Variants in ADGRB3 observed in about 807,000 individuals in gnomAD.
ADGRB3 encodes the protein adhesion G protein-coupled receptor B3, also known as brain-specific angiogenesis inhibitor 3.
ADGRB3 carries 37 observed loss-of-function variants against 193.4 expected under a neutral mutation model. The ratio of observed to expected loss-of-function variants is 0.19; its 90% CI spans 0.15 to 0.25. ADGRB3 has a LOEUF of 0.25. ADGRB3 is among the 10% of genes least tolerant of loss of function. The probability of loss-of-function intolerance (pLI) is 1.00; values close to 1 mark genes in which losing one functional copy is unlikely to be tolerated. For missense variants in ADGRB3, 1,637 were observed against 1,852.9 expected (o/e 0.88, Z 2.14); for synonymous variants, 690 against 644.2 (o/e 1.07, Z -1.08).
At chr6:69,330,447 G>C in intron 22 of ADGRB3, 59 bp from the exon 23 acceptor site, 1 of 1,329,664 alleles carries the variant, frequency 7.5e-7, no homozygotes, top group East Asian at 2.4e-5. Flanking sequence ...TGTATCACAC[G>C]TTAGTGGTCT....
chr6:69,334,383 G>C (rs920277449), intron 24 of ADGRB3, among the ~76,000 whole-genome samples: 1 of 152,002 alleles, frequency 6.6e-6, no homozygotes, highest in Non-Finnish European at 1.5e-5. Flanking sequence ...TAAATTTAAT[G>C]GTTTTCAATA....
At chr6:68,720,512 A>G (rs560710989) in intron 3 of ADGRB3, among the ~76,000 whole-genome samples, 1 of 151,890 alleles carries the variant, frequency 6.6e-6, no homozygotes, top group Admixed American at 6.6e-5. Flanking sequence ...GAAGGGAAGT[A>G]TGACTTATCA....
chr6:68,881,177 G>GT (rs11396551), intron 3 of ADGRB3, among the ~76,000 whole-genome samples: 112,457 of 149,416 alleles, frequency 0.75, 42,338 homozygotes, highest in Middle Eastern at 0.9. Context: ...TCCTTATAAA[G>GT]TTTTTTTTTT....
At chr6:68,968,146 C>T (rs1040082213) in intron 8 of ADGRB3, among the ~76,000 whole-genome samples, 1 of 152,016 alleles carries the variant, frequency 6.6e-6, no homozygotes, top group Admixed American at 6.6e-5. Flanking sequence ...GAAGCATTGA[C>T]TTATTTCACA....
At chr6:68,675,703 C>A (rs1769071927) in intron 3 of ADGRB3, among the ~76,000 whole-genome samples, 1 of 152,138 alleles carries the variant, frequency 6.6e-6, no homozygotes, top group Non-Finnish European at 1.5e-5. Context: ...ATCGCCAGGG[C>A]ACCAGCTTCT....
At chr6:69,048,640 C>G (rs1771305585) in intron 14 of ADGRB3, among the ~76,000 whole-genome samples, 1 of 151,878 alleles carries the variant, frequency 6.6e-6, no homozygotes, top group African/African-American at 2.4e-5. Context: ...AATATTTTAC[C>G]TTTAGCTATT....
rs146536913 is a variant in ADGRB3 at position 68,815,638 on chromosome 6, T to TGTGG, written c.758-114918_758-114917insGGTG. On this transcript the variant is annotated intron_variant, in intron 3 of 31. Coordinates refer to ENST00000370598, the MANE Select transcript of ADGRB3 (RefSeq NM_001704.3). ...GTGTGTGTGTGTGTGTGTGTGTGTG[T>TGTGG]GTGCATGTAGATCTCATTTGATGTA... Among the ~76,000 whole-genome samples the TGTGG allele has an allele frequency of 9.8e-4, 146 of 149,494 alleles. 1 individual carries two copies. Among genetic ancestry groups the TGTGG allele is most frequent in the South Asian group, 9.3e-3 (44 of 4,722 alleles).
At chr6:69,362,555 T>C (rs1769475858) in intron 29 of ADGRB3, among the ~76,000 whole-genome samples, 1 of 151,938 alleles carries the variant, frequency 6.6e-6, no homozygotes, top group Non-Finnish European at 1.5e-5. Context: ...TTTTCCCAAT[T>C]GATTGAGAAA....
chr6:68,642,995 A>G (rs2127276321), intron 3 of ADGRB3, among the ~76,000 whole-genome samples: 1 of 152,330 alleles, frequency 6.6e-6, no homozygotes, highest in East Asian at 1.9e-4. Context: ...AAAATATCTT[A>G]TTTCTTACCA....
At chr6:68,868,911 ATGTGTGTG>A (rs375255522) in intron 3 of ADGRB3, among the ~76,000 whole-genome samples, 5 of 139,848 alleles carry the variant, frequency 3.6e-5, no homozygotes, top group Admixed American at 7.1e-5. Flanking sequence ...CCAGATAATG[ATGTGTGTG>A]TGTGTGTGTG....
intron 17 of ADGRB3, among the ~76,000 whole-genome samples, chr6:69,192,181 A>C (rs892169947): frequency 1.3e-5 from 2 of 152,156 alleles, no homozygotes; most frequent in African/African-American, 2.4e-5. Context: ...GGAGCAAGGA[A>C]GCCAGTTGGA....
At chr6:68,827,906 A>T (rs1582234668) in intron 3 of ADGRB3, among the ~76,000 whole-genome samples, 1 of 152,128 alleles carries the variant, frequency 6.6e-6, no homozygotes, top group Non-Finnish European at 1.5e-5. Flanking sequence ...GTCCAATGGA[A>T]CTTACCCCAT....
At chr6:69,147,878 C>T (rs1003840865) in intron 17 of ADGRB3, among the ~76,000 whole-genome samples, 2 of 152,084 alleles carry the variant, frequency 1.3e-5, no homozygotes, top group Non-Finnish European at 2.9e-5. Context: ...GAGTTGTACC[C>T]TTTATTATTA....
At chr6:69,339,618 A>G (rs1768933420) in intron 26 of ADGRB3, 114 bp downstream of exon 26, 2 of 1,257,058 alleles carry the variant, frequency 1.6e-6, no homozygotes, top group African/African-American at 1.5e-5. Context: ...TCCTCCATTG[A>G]CAATCACTTG....
At chr6:69,267,620 A>G (rs1287682362) in intron 20 of ADGRB3, among the ~76,000 whole-genome samples, 1 of 152,168 alleles carries the variant, frequency 6.6e-6, no homozygotes, top group African/African-American at 2.4e-5. Flanking sequence ...AACCAATTGA[A>G]CAAATCAAAT....
intron 3 of ADGRB3, among the ~76,000 whole-genome samples, chr6:68,863,465 T>C (rs1231986544): frequency 6.6e-6 from 1 of 152,056 alleles, no homozygotes; most frequent in Non-Finnish European, 1.5e-5. Flanking sequence ...AATAATCATT[T>C]AGTATGATTT....
At position 68,927,024 on chromosome 6, in the gene ADGRB3, A is replaced by G. The variant is rs114164083; in HGVS notation, c.758-3535A>G. Among the ~76,000 whole-genome samples the G allele has an allele frequency of 2.7e-3, 414 of 152,262 alleles. 6 individuals carry two copies. The highest frequency in any genetic ancestry group is 9.7e-3 in the African/African-American group (402 of 41,562). On this transcript the variant is annotated intron_variant, in intron 3 of 31. Coordinates refer to ENST00000370598, the MANE Select transcript of ADGRB3 (RefSeq NM_001704.3). ...AAGAAGCACAGTGAAAGATTGAGAAAATGTGCCTAAACATGGCAGTCATCT... is the reference window on the plus strand; with the variant it reads ...AAGAAGCACAGTGAAAGATTGAGAAGATGTGCCTAAACATGGCAGTCATCT...
At chr6:68,877,943 C>A (rs1582276735) in intron 3 of ADGRB3, among the ~76,000 whole-genome samples, 1 of 151,920 alleles carries the variant, frequency 6.6e-6, no homozygotes, top group East Asian at 1.9e-4. Context: ...CAAGATCAGG[C>A]CATATATGAA....
At chr6:69,248,502 T>A (rs1434743189) in intron 20 of ADGRB3, among the ~76,000 whole-genome samples, 1 of 152,230 alleles carries the variant, frequency 6.6e-6, no homozygotes, top group African/African-American at 2.4e-5. Context: ...AAAATTTGTC[T>A]CAGTACGACA....
Sources: gnomAD v4.1 joint callset for allele counts (sites outside exome capture counted in the v4.1 genomes callset) on GRCh38, gnomAD v4.1.1 for gene constraint, MANE v1.5 for transcripts, NCBI Gene and HGNC (gene_info 2026-07-23, HGNC 2026-07-21) for gene names.